Variants in NSMCE2 observed in about 807,000 individuals in gnomAD.
NSMCE2 encodes the protein NSE2 SUMO ligase component of SMC5/6 complex.
NSMCE2 carries 24 observed loss-of-function variants against 23.8 expected under a neutral mutation model. The ratio of observed to expected loss-of-function variants is 1.01; its 90% confidence interval spans 0.73 to 1.42. NSMCE2 has a LOEUF of 1.42. NSMCE2 is among the 40% of genes most tolerant of loss of function. The probability of loss-of-function intolerance (pLI) is 0.00; values close to 1 mark genes in which losing one functional copy is unlikely to be tolerated. For missense variants in NSMCE2, 284 were observed against 296.5 expected (o/e 0.96, Z 0.31); for synonymous variants, 92 against 94.1 (o/e 0.98, Z 0.13).
At chr8:125,228,180 A>G (rs563760021) in intron 5 of NSMCE2, among the ~76,000 whole-genome samples, 1 of 152,258 alleles carries the variant, frequency 6.6e-6, no homozygotes, top group Admixed American at 6.5e-5. Context: ...AAATAAAATT[A>G]TGGTATATTT....
intron 5 of NSMCE2, among the ~76,000 whole-genome samples, chr8:125,207,101 C>T (rs1024655081): frequency 2.6e-5 from 4 of 151,848 alleles, no homozygotes; most frequent in Non-Finnish European, 4.4e-5. Context: ...AATTCAAAAA[C>T]TAAGTTCCAT....
At chr8:125,122,314 A>T (rs755457463) in intron 3 of NSMCE2, among the ~76,000 whole-genome samples, 1 of 152,066 alleles carries the variant, frequency 6.6e-6, no homozygotes, top group Non-Finnish European at 1.5e-5. Flanking sequence ...GACTTCTTGG[A>T]TCATCTTTGT....
intron 5 of NSMCE2, among the ~76,000 whole-genome samples, chr8:125,242,865 G>C (rs1366791055): frequency 1.3e-5 from 2 of 152,224 alleles, no homozygotes; most frequent in East Asian, 3.8e-4. Flanking sequence ...GACAGTGCTA[G>C]CTGCCTGTGG....
chr8:125,182,412 G>T, intron 5 of NSMCE2, 156 bp downstream of exon 5: 1 of 700,186 alleles, frequency 1.4e-6, no homozygotes, highest in Non-Finnish European at 2.5e-6. Context: ...TCTGTATTTT[G>T]TCTAATTTTT....
chr8:125,122,109 C>G (rs1819290893), intron 3 of NSMCE2, among the ~76,000 whole-genome samples: 1 of 145,470 alleles, frequency 6.9e-6, no homozygotes, highest in Admixed American at 6.9e-5. Flanking sequence ...TTCATTAAAA[C>G]CATTTATAGA....
chr8:125,148,099 G>A (rs1820791509), intron 3 of NSMCE2, among the ~76,000 whole-genome samples: 1 of 152,122 alleles, frequency 6.6e-6, no homozygotes, highest in Non-Finnish European at 1.5e-5. Flanking sequence ...CTCTTCTGGT[G>A]TTTCCTGTTC....
At chr8:125,122,172 C>CAAA (rs796879544) in intron 3 of NSMCE2, among the ~76,000 whole-genome samples, 4 of 45,962 alleles carry the variant, frequency 8.7e-5, no homozygotes, top group East Asian at 6.4e-4. Context: ...CTGGCTGAGC[C>CAAA]AAAAAAAAAA....
intron 5 of NSMCE2, among the ~76,000 whole-genome samples, chr8:125,185,552 CGCCTCA>C (rs758405643): frequency 3.9e-5 from 6 of 152,104 alleles, no homozygotes; most frequent in Non-Finnish European, 7.4e-5. Flanking sequence ...GGGATCCACT[CGCCTCA>C]GCCTCCCAAA....
chr8:125,216,659 G>A (rs569601063), intron 5 of NSMCE2, among the ~76,000 whole-genome samples: 26 of 151,436 alleles, frequency 1.7e-4, no homozygotes, highest in Non-Finnish European at 3.7e-4. Flanking sequence ...AATGGTCTAT[G>A]GGTTTTGGGC....
chr8:125,124,823 C>G (rs1819437108), intron 3 of NSMCE2, among the ~76,000 whole-genome samples: 1 of 151,992 alleles, frequency 6.6e-6, no homozygotes, highest in African/African-American at 2.4e-5. Context: ...GAGACAGAGT[C>G]TTACTCTTTT....
At chr8:125,167,732 T>C (rs1343731226) in intron 4 of NSMCE2, among the ~76,000 whole-genome samples, 1 of 151,712 alleles carries the variant, frequency 6.6e-6, no homozygotes, top group African/African-American at 2.4e-5. Context: ...GGGGGAAAAA[T>C]CAGTGGAATT....
chr8:125,203,310 A>G (rs1048075935), intron 5 of NSMCE2, among the ~76,000 whole-genome samples: 14 of 152,072 alleles, frequency 9.2e-5, no homozygotes, highest in African/African-American at 3.4e-4. Context: ...TTGCCAGATT[A>G]TAGACTGTAT....
chr8:125,255,256 C>T (rs1375835575), intron 5 of NSMCE2, among the ~76,000 whole-genome samples: 1 of 152,158 alleles, frequency 6.6e-6, no homozygotes, highest in Non-Finnish European at 1.5e-5. Flanking sequence ...CCACTGTGCC[C>T]TTTCCAAGTT....
At chr8:125,294,776 T>C (rs759986681) in intron 5 of NSMCE2, among the ~76,000 whole-genome samples, 1 of 152,222 alleles carries the variant, frequency 6.6e-6, no homozygotes, top group Non-Finnish European at 1.5e-5. Context: ...TGTTTTGCGC[T>C]ATGAATTCAT....
chr8:125,160,470 T>TG (rs797022422), intron 4 of NSMCE2, among the ~76,000 whole-genome samples: 5 of 152,034 alleles, frequency 3.3e-5, no homozygotes, highest in African/African-American at 9.6e-5. Flanking sequence ...GGGGGTGGCT[T>TG]GGGGTATGGA....
In NSMCE2 at chr8:125,357,200, ACT is replaced by A. The variant is rs1484937457; in HGVS notation, c.419-15_419-14del. On this transcript the variant is annotated splice_polypyrimidine_tract_variant and intron_variant, in intron 5 of 7. Transcript: ENST00000287437. ...GACGTTAGACCAGAGAGGCTTATCAACTCTCCATTTTCCTCTAGGTGGTCTTC... is the reference window on the plus strand; with the variant it reads ...GACGTTAGACCAGAGAGGCTTATCAACTCCATTTTCCTCTAGGTGGTCTTC... 6.7e-7 allele frequency: 1 copy of A among 1,491,114 alleles called. No homozygotes were observed. Among genetic ancestry groups the A allele is most frequent in the Non-Finnish European group, 9.4e-7 (1 of 1,069,168 alleles). The allele number at this position is 1,491,114 out of a possible 1,614,324, so 92.4% of individuals were successfully genotyped here. A position where few individuals can be genotyped will look rare whatever the true frequency, so the allele number is the denominator to read the frequency against.
At chr8:125,175,126 T>TC (rs1171864524) in intron 4 of NSMCE2, among the ~76,000 whole-genome samples, 1 of 146,908 alleles carries the variant, frequency 6.8e-6, no homozygotes, top group East Asian at 1.9e-4. Context: ...CTTTACCAAG[T>TC]TTTTTTTTGC....
intron 5 of NSMCE2, among the ~76,000 whole-genome samples, chr8:125,292,312 T>C (rs536374167): frequency 6.6e-6 from 1 of 151,796 alleles, no homozygotes; most frequent in South Asian, 2.1e-4. Context: ...CCCAGCACTT[T>C]GGGAAGCCAA....
intron 5 of NSMCE2, among the ~76,000 whole-genome samples, chr8:125,296,217 G>T (rs568399920): frequency 6.6e-6 from 1 of 152,166 alleles, no homozygotes; most frequent in Non-Finnish European, 1.5e-5. Flanking sequence ...GTGTTGTCAT[G>T]TGCAGTTTGC....
Sources: gnomAD v4.1 joint callset for allele counts (sites outside exome capture counted in the v4.1 genomes callset) on GRCh38, gnomAD v4.1.1 for gene constraint, MANE v1.5 for transcripts, NCBI Gene and HGNC (gene_info 2026-07-23, HGNC 2026-07-21) for gene names.